Variants in PPP2R2B observed in about 807,000 individuals in gnomAD.
PPP2R2B encodes the protein serine/threonine-protein phosphatase 2A 55 kDa regulatory subunit B beta isoform.
PPP2R2B carries 5 observed loss-of-function variants against 46.0 expected under a neutral mutation model. The observed-to-expected ratio is 0.11, with a 90% CI of 0.06 to 0.23. The LOEUF (loss-of-function observed/expected upper bound fraction) is 0.23, where lower values mean the gene tolerates loss of function less well. Ranked by LOEUF, PPP2R2B falls within the 10% of genes least tolerant of loss-of-function variation. The pLI is 1.00. For synonymous variants in PPP2R2B, 215 were observed against 206.7 expected, an observed-to-expected ratio of 1.04 and a Z score of -0.34; for missense variants, 367 against 575.0, an observed-to-expected ratio of 0.64 and a Z score of 3.70.
At chr5:146,799,405 C>T (rs1756729303) in intron 2 of PPP2R2B, among the ~76,000 whole-genome samples, 1 of 152,114 alleles carries the variant, frequency 6.6e-6, no homozygotes, top group Non-Finnish European at 1.5e-5. Flanking sequence ...AGGTGTGAAA[C>T]CAATTAGGGT....
intron 1 of PPP2R2B, among the ~76,000 whole-genome samples, chr5:147,031,490 A>G (rs1328673953): frequency 6.7e-6 from 1 of 149,516 alleles, no homozygotes; most frequent in Non-Finnish European, 1.5e-5. Context: ...TTTTTTTTTA[A>G]TTTATCTTGA....
Position 146,772,892 on chromosome 5 carries a change from T to C in PPP2R2B, c.71-71750A>G, listed in dbSNP as rs542564738. Among the ~76,000 whole-genome samples, 17 of 152,298 alleles carry C rather than the reference T, an allele frequency of 1.1e-4. No homozygotes were observed. The South Asian group carries it at 3.3e-3, about 30-fold the overall frequency. On this transcript the variant is annotated intron_variant, in intron 2 of 9. Transcript: ENST00000394411. ...TGGGCATAACACTAGACTAATCCCA[T>C]ATCATTTAAGGGTTTTGATTGTCTA... is the stretch of plus-strand genomic sequence containing the variant.
chr5:146,999,344 T>G (rs1302959917), intron 1 of PPP2R2B, among the ~76,000 whole-genome samples: 1 of 152,200 alleles, frequency 6.6e-6, no homozygotes, highest in African/African-American at 2.4e-5. Flanking sequence ...TGACAGTGAA[T>G]ATTGCATTAG....
chr5:147,006,310 A>C (rs570477782), intron 1 of PPP2R2B, among the ~76,000 whole-genome samples: 40 of 152,374 alleles, frequency 2.6e-4, no homozygotes, highest in African/African-American at 9.4e-4. Context: ...GGAGCCATCT[A>C]TACCAATTCT....
At chr5:146,619,796 C>T (rs1274949124) in intron 7 of PPP2R2B, among the ~76,000 whole-genome samples, 1 of 152,140 alleles carries the variant, frequency 6.6e-6, no homozygotes, top group Non-Finnish European at 1.5e-5. Context: ...GTTTCTCTGG[C>T]TCCTATTCAA....
chr5:146,635,934 C>A (rs191194911), intron 7 of PPP2R2B, among the ~76,000 whole-genome samples: 1 of 152,194 alleles, frequency 6.6e-6, no homozygotes, highest in Non-Finnish European at 1.5e-5. Flanking sequence ...CCATGTATGA[C>A]GAATGCCAAC....
intron 2 of PPP2R2B, among the ~76,000 whole-genome samples, chr5:146,785,027 G>T (rs557732098): frequency 6.6e-6 from 1 of 152,144 alleles, no homozygotes; most frequent in South Asian, 2.1e-4. Context: ...AAGTACAATC[G>T]TAGCACTCCA....
intron 1 of PPP2R2B, among the ~76,000 whole-genome samples, chr5:146,971,861 G>GA (rs1452180552): frequency 1.3e-5 from 2 of 152,080 alleles, no homozygotes; most frequent in Non-Finnish European, 2.9e-5. Context: ...AGATAGTATG[G>GA]AAAATCCCTG....
chr5:146,961,514 A>G (rs188056544), intron 1 of PPP2R2B, among the ~76,000 whole-genome samples: 1 of 152,262 alleles, frequency 6.6e-6, no homozygotes, highest in Admixed American at 6.5e-5. Flanking sequence ...TTAGCACCAC[A>G]TTGTTATTTT....
At chr5:146,615,957 T>C (rs1043114725) in intron 7 of PPP2R2B, among the ~76,000 whole-genome samples, 1 of 152,072 alleles carries the variant, frequency 6.6e-6, no homozygotes, top group African/African-American at 2.4e-5. Flanking sequence ...AAAACAAAAC[T>C]GGAGGAATCA....
intron 2 of PPP2R2B, among the ~76,000 whole-genome samples, chr5:146,844,594 T>C (rs2151375537): frequency 6.6e-6 from 1 of 152,304 alleles, no homozygotes; most frequent in East Asian, 1.9e-4. Context: ...CATGCCCGGA[T>C]CCATTCTGTG....
At chr5:146,617,271 A>G (rs2151047026) in intron 7 of PPP2R2B, among the ~76,000 whole-genome samples, 1 of 152,350 alleles carries the variant, frequency 6.6e-6, no homozygotes, top group Admixed American at 6.5e-5. Flanking sequence ...AAAAAAATAG[A>G]AAGGATGAAT....
intron 1 of PPP2R2B, among the ~76,000 whole-genome samples, chr5:146,997,854 A>G (rs1034170914): frequency 2.6e-5 from 4 of 152,336 alleles, no homozygotes; most frequent in Admixed American, 6.5e-5. Flanking sequence ...TAAGGCAAAT[A>G]TAAGTGCTGG....
intron 1 of PPP2R2B, among the ~76,000 whole-genome samples, chr5:147,041,705 TG>T (rs1476335031): frequency 1.3e-5 from 2 of 152,192 alleles, no homozygotes; most frequent in Non-Finnish European, 2.9e-5. Context: ...TTAGGGGGGC[TG>T]TAAGTCCCCA....
At chr5:147,006,874 G>A (rs190051763) in intron 1 of PPP2R2B, among the ~76,000 whole-genome samples, 68 of 152,108 alleles carry the variant, frequency 4.5e-4, no homozygotes, top group African/African-American at 1.3e-3. Context: ...ATGAGATGCC[G>A]CCCGGTGTTT....
intron 1 of PPP2R2B, among the ~76,000 whole-genome samples, chr5:146,926,676 T>C (rs1475313057): frequency 6.6e-6 from 1 of 152,190 alleles, no homozygotes; most frequent in Non-Finnish European, 1.5e-5. Context: ...CTTTTTCACC[T>C]ATTTTCAGGT....
chr5:146,895,620 A>G (rs1047172557), intron 1 of PPP2R2B, among the ~76,000 whole-genome samples: 6 of 152,324 alleles, frequency 3.9e-5, no homozygotes, highest in Non-Finnish European at 2.9e-5. Context: ...ATGAGAGACT[A>G]TAACTGATTT....
chr5:147,045,201 G>T (rs1436186695), intron 1 of PPP2R2B, among the ~76,000 whole-genome samples: 2 of 152,092 alleles, frequency 1.3e-5, no homozygotes, highest in East Asian at 1.9e-4. Flanking sequence ...TCTCTGTTTT[G>T]TGTGTCCCAC....
chr5:146,787,064 A>T lies in PPP2R2B; in HGVS notation c.71-85922T>A, dbSNP rs368683396. On this transcript the variant is annotated intron_variant, in intron 2 of 9. Coordinates refer to ENST00000394411, the MANE Select transcript of PPP2R2B (RefSeq NM_181675.4). ...TCCTATGGCCATGTGGATCTTTAGT[A>T]GCAGATGTGGGATTTTAACTTTAGA... Among the ~76,000 whole-genome samples, 4 of 152,230 alleles carry T rather than the reference A, an allele frequency of 2.6e-5. No homozygotes were observed. The East Asian group carries it at 5.8e-4, about 22-fold the overall frequency.
Sources: allele counts gnomAD v4.1 joint callset (sites outside exome capture counted in the v4.1 genomes callset), GRCh38; gene constraint gnomAD v4.1.1; transcripts MANE v1.5; gene names NCBI Gene and HGNC (gene_info 2026-07-23, HGNC 2026-07-21).